Variants in DMXL1 observed in about 807,000 individuals in gnomAD.
DMXL1 encodes the protein dmX-like protein 1.
DMXL1 carries 99 observed loss-of-function variants against 319.2 expected under a neutral mutation model. The ratio of observed to expected loss-of-function variants is 0.31; its 90% confidence interval spans 0.26 to 0.37. The LOEUF (loss-of-function observed/expected upper bound fraction) is 0.37, where lower values mean the gene tolerates loss of function less well. Among genes scored for constraint, DMXL1 ranks in the 10% least tolerant of loss-of-function variants. The pLI is 1.00. For missense variants in DMXL1, 3,745 were observed against 3,595.6 expected (o/e 1.04, Z -1.06); for synonymous variants, 1,385 against 1,235.2 (o/e 1.12, Z -2.54).
intron 19 of DMXL1, among the ~76,000 whole-genome samples, chr5:119,157,362 C>T (rs1183900580): frequency 3.9e-5 from 6 of 152,204 alleles, no homozygotes; most frequent in Admixed American, 6.5e-5. Context: ...TTTTGTTGCC[C>T]GTCCCTTTGG....
rs543780450 is a variant in DMXL1, at chr5:119,139,578, A to G, written c.2377-4263A>G. On this transcript the variant is annotated intron_variant, in intron 13 of 43. Transcript: ENST00000539542. Reference sequence around the variant, plus strand: ...TTCAATTCAACAAGAAGACCTAACTATGGTAAATATATATGCAACCAACAC... The same window carrying G: ...TTCAATTCAACAAGAAGACCTAACTGTGGTAAATATATATGCAACCAACAC... Among the ~76,000 whole-genome samples, 15 of 152,336 alleles carry G rather than the reference A, an allele frequency of 9.8e-5. No homozygotes were observed. The South Asian group carries it at 2.5e-3, about 25-fold the overall frequency.
At chr5:119,171,342 T>G in intron 24 of DMXL1, 62 bp downstream of exon 24, 1 of 1,500,770 alleles carries the variant, frequency 6.7e-7, no homozygotes, top group Non-Finnish European at 8.9e-7. Flanking sequence ...GGTGTTTCTT[T>G]TTTGGTTTTG....
chr5:119,101,967 T>A lies in DMXL1; in HGVS notation c.246T>A (p.Ile82=). 1 of 1,606,558 alleles carries A rather than the reference T, an allele frequency of 6.2e-7. No individual in the cohort carries two copies. Among genetic ancestry groups the A allele is most frequent in the Non-Finnish European group, 8.5e-7 (1 of 1,176,612 alleles). The change falls in exon 3 of 44, where the codon ATT becomes ATA. Residue 82 remains isoleucine, a synonymous_variant. Transcript: ENST00000539542. The part of the protein sequence containing the change: ...IAASYGNVIS[I]FEPVNLPKQK... ...CGTCTTATGGAAATGTTATCTCCAT[T>A]TTTGAACCAGTTAACCTACCAAAAC...
chr5:119,090,369 C>A (rs2149739216), intron 1 of DMXL1, among the ~76,000 whole-genome samples: 1 of 151,716 alleles, frequency 6.6e-6, no homozygotes, highest in South Asian at 2.1e-4. Context: ...GTTTTTTGGC[C>A]TTTGTCTACC....
intron 19 of DMXL1, among the ~76,000 whole-genome samples, chr5:119,155,735 G>A (rs1770872420): frequency 6.8e-6 from 1 of 146,034 alleles, no homozygotes; most frequent in Admixed American, 7.1e-5. Context: ...AGCTGAATAG[G>A]AATATCACTT....
intron 37 of DMXL1, 86 bp downstream of exon 37, chr5:119,221,167 T>A (rs1784582784): frequency 1.0e-6 from 1 of 1,003,612 alleles, no homozygotes; most frequent in Admixed American, 3.0e-5. Flanking sequence ...TTTAAAACAT[T>A]TTTCTTAATT....
Position 119,105,218 on chromosome 5 carries a change from T to C in DMXL1, c.324T>C (p.Phe108=), listed in dbSNP as rs112929569. 77 of 1,613,430 alleles carry C rather than the reference T, an allele frequency of 4.8e-5. No homozygotes were observed. In the African/African-American group the frequency reaches 8.3e-4, roughly 17 times the overall value. Residue 108 remains phenylalanine, a synonymous_variant, in exon 4 of 44, where the codon TTT becomes TTC. Transcript: ENST00000539542. ...AGTGGCAGAAAAGTGGCCAATTTTT[T>C]CTGGAATCAATAGCACACAATATAA... ...YSQWQKSGQF[F]LESIAHNITW... is the part of the protein sequence containing the mutation.
At chr5:119,164,734 T>C in intron 20 of DMXL1, 58 bp downstream of exon 20, 1 of 1,468,526 alleles carries the variant, frequency 6.8e-7, no homozygotes, top group Middle Eastern at 1.8e-4. Flanking sequence ...TTTCTTTAAA[T>C]GGCATTTCAT....
chr5:119,236,548 A>C (rs1048306461), intron 39 of DMXL1: 1 of 151,982 alleles, frequency 6.6e-6, no homozygotes, highest in Non-Finnish European at 1.5e-5. Context: ...AGCTATAATA[A>C]ATAAAAAATG....
At chr5:119,089,293 T>TATATATATATATATATA (rs70982466) in intron 1 of DMXL1, among the ~76,000 whole-genome samples, 9 of 25,336 alleles carry the variant, frequency 3.6e-4, no homozygotes, top group East Asian at 0.011. Context: ...TATATATATA[T>TATATATATATATATATA]TTTTTTTTTT....
chr5:119,212,217 C>G (rs1199893105), intron 34 of DMXL1, among the ~76,000 whole-genome samples: 2 of 152,180 alleles, frequency 1.3e-5, no homozygotes, highest in Non-Finnish European at 2.9e-5. Context: ...CCCCATTCCT[C>G]TGGCGCCCAC....
intron 30 of DMXL1, among the ~76,000 whole-genome samples, chr5:119,195,079 CAAAAACAAAA>C (rs1374164329): frequency 6.7e-6 from 1 of 149,940 alleles, no homozygotes; most frequent in Non-Finnish European, 1.5e-5. Flanking sequence ...AAAACAAAAA[CAAAAACAAAA>C]AAAATAACAG....
At chr5:119,121,386 G>A (rs1488302627) in intron 9 of DMXL1, among the ~76,000 whole-genome samples, 1 of 152,024 alleles carries the variant, frequency 6.6e-6, no homozygotes, top group African/African-American at 2.4e-5. Context: ...AGATCAACAA[G>A]TGAACAAAGG....
chr5:119,112,418 G>GA (rs1362616673), intron 5 of DMXL1, among the ~76,000 whole-genome samples: 1 of 152,152 alleles, frequency 6.6e-6, no homozygotes, highest in Non-Finnish European at 1.5e-5. Flanking sequence ...ATATTGCTAT[G>GA]AACAGATAGG....
intron 13 of DMXL1, among the ~76,000 whole-genome samples, chr5:119,142,912 A>T (rs145752855): frequency 7.1e-4 from 108 of 152,212 alleles, no homozygotes; most frequent in African/African-American, 2.5e-3. Flanking sequence ...TGGCATTCAT[A>T]AAGCAACTTC....
rs959988097 is a variant in DMXL1 at position 119,177,566 on chromosome 5, C to G, written c.6886+82C>G. On this transcript the variant is annotated intron_variant, in intron 27 of 43. Coordinates refer to ENST00000539542, the MANE Select transcript of DMXL1 (RefSeq NM_001290321.3). The stretch of plus-strand genomic sequence containing the variant: ...AGTAGAAAGACTTTTAGTTTTGCCA[C>G]ATGATAATCATTGTTAAATACTGTT... The G allele has an allele frequency of 1.7e-5, 20 of 1,196,546 alleles. No homozygotes were observed. The Admixed American group carries it at 5.1e-4, about 30-fold the overall frequency. The allele number at this position is 1,196,546 out of a possible 1,614,324, so 74.1% of individuals were successfully genotyped here.
rs539524808 is a variant in DMXL1, at chr5:119,122,482, C to T, written c.1102+1343C>T. On this transcript the variant is annotated intron_variant, in intron 9 of 43. Coordinates refer to ENST00000539542, the MANE Select transcript of DMXL1 (RefSeq NM_001290321.3). The stretch of plus-strand genomic sequence containing the variant: ...CCTCCCAGACGGGGTGGCTGCCAGG[C>T]GGAGATGCTCCTCACTTCCCAGACG... Among the ~76,000 whole-genome samples the T allele has an allele frequency of 2.2e-3, 327 of 151,722 alleles. 3 individuals carry two copies. The highest frequency in any genetic ancestry group is 0.01 in the Middle Eastern group (3 of 294).
rs773744192 is a variant in DMXL1 at position 119,071,637 on chromosome 5, T to C, written c.68T>C (p.Ile23Thr). ...GACCACTGCTTCTCCGTGGGCAGCA[T>C]TGGCGACCAGCGCTTCACGGTGAGT... ...PGDHCFSVGSIGDQRFTAYAS... is the reference protein window; with the variant it reads ...PGDHCFSVGSTGDQRFTAYAS... The change falls in exon 1 of 44, where the codon ATT (isoleucine) becomes ACT (threonine). Residue 23 changes from isoleucine (I) to threonine (T), a missense_variant. Coordinates refer to ENST00000539542, the MANE Select transcript of DMXL1 (RefSeq NM_001290321.3). 16 of 1,595,404 alleles carry C rather than the reference T, an allele frequency of 1.0e-5. No individual in the cohort carries two copies. The highest frequency in any genetic ancestry group is 4.6e-5 in the South Asian group (4 of 87,842).
chr5:119,128,632 C>T (rs1198146119), intron 9 of DMXL1, among the ~76,000 whole-genome samples: 2 of 151,412 alleles, frequency 1.3e-5, no homozygotes, highest in African/African-American at 4.8e-5. Context: ...AGTGTAGATT[C>T]ATCAATTGTA....
Sources: allele counts gnomAD v4.1 joint callset (sites outside exome capture counted in the v4.1 genomes callset), GRCh38; gene constraint gnomAD v4.1.1; transcripts MANE v1.5; gene names NCBI Gene and HGNC (gene_info 2026-07-23, HGNC 2026-07-21).